Variants in KIAA0930 observed in about 807,000 individuals in gnomAD.
KIAA0930 encodes the protein KIAA0930.
A neutral mutation model predicts 43.9 loss-of-function variants in KIAA0930; 24 were observed. The ratio of observed to expected loss-of-function variants is 0.55; its 90% CI spans 0.40 to 0.77. KIAA0930 has a LOEUF of 0.77. Ranked by LOEUF, KIAA0930 falls within the 30% of genes least tolerant of loss-of-function variation. The pLI is 0.00. For missense variants in KIAA0930, 461 were observed against 574.2 expected (o/e 0.80, Z 2.02); for synonymous variants, 259 against 216.4 (o/e 1.20, Z -1.73).
chr22:45,223,521 C>A (rs970970815), intron 1 of KIAA0930, among the ~76,000 whole-genome samples: 2 of 152,108 alleles, frequency 1.3e-5, no homozygotes, highest in Non-Finnish European at 2.9e-5. Flanking sequence ...GAAAGTTAGT[C>A]CATCCACGTG....
At chr22:45,203,361 C>A (rs528538167) in intron 6 of KIAA0930, among the ~76,000 whole-genome samples, 177 bp from the exon 7 acceptor site, 152 of 151,996 alleles carry the variant, frequency 1.0e-3, no homozygotes, top group African/African-American at 3.5e-3. Context: ...TGCCTGGTGC[C>A]CCTCCTGGTG....
intron 1 of KIAA0930, chr22:45,212,325 C>T (rs1480106602): frequency 6.2e-7 from 1 of 1,612,498 alleles, no homozygotes; most frequent in Non-Finnish European, 8.5e-7. Flanking sequence ...CTCCACTCAG[C>T]AGCAGCCTGA....
Position 45,194,682 on chromosome 22 carries a change from C to T in KIAA0930, c.*2494G>A, listed in dbSNP as rs1374421981. The T allele has an allele frequency of 2.6e-5, 4 of 152,168 alleles. No individual in the cohort carries two copies. The highest frequency in any genetic ancestry group is 7.2e-5 in the African/African-American group (3 of 41,432). 9.4% of individuals were successfully genotyped at this position (152,168 alleles called of 1,614,324 possible). On this transcript the variant is annotated 3_prime_UTR_variant, in exon 10 of 10. Coordinates refer to ENST00000336156, the MANE Select transcript of KIAA0930 (RefSeq NM_001009880.2). ...GGAAAAACAAACCTGGGAGTAACACCTTACTGTCTGGTTCTCAAGTGGCTA... is the reference window on the plus strand; with the variant it reads ...GGAAAAACAAACCTGGGAGTAACACTTTACTGTCTGGTTCTCAAGTGGCTA...
chr22:45,225,649 G>C (rs1465691896), intron 1 of KIAA0930, among the ~76,000 whole-genome samples: 1 of 152,086 alleles, frequency 6.6e-6, no homozygotes, highest in Non-Finnish European at 1.5e-5. Flanking sequence ...ATTCCAACTT[G>C]GCCTGTGCAG....
rs1201896232 is a variant in KIAA0930 at position 45,195,666 on chromosome 22, A to T, written c.*1510T>A. 7.6e-6 allele frequency: 1 copy of T among 131,976 alleles called. No homozygotes were observed. Among genetic ancestry groups the T allele is most frequent in the African/African-American group, 3.1e-5 (1 of 32,202 alleles). The allele number at this position is 131,976 out of a possible 1,614,324, so 8.2% of individuals were successfully genotyped here. ...ACGGTCTCAGATTAGGTTATTACAA[A>T]GGGCGAGGGGGAGGAGGGCATCCCA... On this transcript the variant is annotated 3_prime_UTR_variant, in exon 10 of 10. Coordinates refer to ENST00000336156, the MANE Select transcript of KIAA0930 (RefSeq NM_001009880.2).
At chr22:45,203,385 C>T in intron 6 of KIAA0930, among the ~76,000 whole-genome samples, 1 of 152,188 alleles carries the variant, frequency 6.6e-6, no homozygotes, top group South Asian at 2.1e-4. Flanking sequence ...CTCCCACCGC[C>T]CCATGAACCA....
At chr22:45,230,184 A>C (rs956017784) in intron 1 of KIAA0930, among the ~76,000 whole-genome samples, 4 of 152,120 alleles carry the variant, frequency 2.6e-5, no homozygotes, top group Non-Finnish European at 4.4e-5. Context: ...GGGGCAAGGG[A>C]GGGCTGACTC....
intron 1 of KIAA0930, among the ~76,000 whole-genome samples, chr22:45,225,111 C>A (rs1033474617): frequency 5.3e-5 from 8 of 152,112 alleles, no homozygotes; most frequent in Non-Finnish European, 1.0e-4. Context: ...AGAGTCCAGG[C>A]GGCCCTTGGC....
At chr22:45,212,420 G>A in intron 1 of KIAA0930, 6 of 1,533,734 alleles carry the variant, frequency 3.9e-6, no homozygotes, top group Non-Finnish European at 4.4e-6. Flanking sequence ...AAAATCCCGA[G>A]GAGCCAGGAA....
At position 45,194,052 on chromosome 22, in the gene KIAA0930, C is replaced by CTTTTTTTTTTTT. The variant is rs71190644; in HGVS notation, c.*3112_*3123dup. 2.9e-4 allele frequency: 13 copies of CTTTTTTTTTTTT among 44,346 alleles called. 3 individuals carry two copies. Among genetic ancestry groups the CTTTTTTTTTTTT allele is most frequent in the Admixed American group, 1.5e-3 (4 of 2,686 alleles). 2.7% of individuals were successfully genotyped at this position (44,346 alleles called of 1,614,324 possible). On this transcript the variant is annotated 3_prime_UTR_variant, in exon 10 of 10. Transcript: ENST00000336156. ...GGTTTGGGTTTAAAGACCAATGTAT[C>CTTTTTTTTTTTT]TTTTTTTTTTTTTTTTTTTTTTTTT...
At chr22:45,208,160 C>T (rs2083655674) in intron 2 of KIAA0930, among the ~76,000 whole-genome samples, 1 of 152,146 alleles carries the variant, frequency 6.6e-6, no homozygotes, top group Non-Finnish European at 1.5e-5. Flanking sequence ...GGCCAGGCCG[C>T]CATGGTACAC....
At chr22:45,230,188 C>G (rs1353026200) in intron 1 of KIAA0930, among the ~76,000 whole-genome samples, 3 of 152,190 alleles carry the variant, frequency 2.0e-5, no homozygotes, top group African/African-American at 7.2e-5. Flanking sequence ...CAAGGGAGGG[C>G]TGACTCTTGG....
At chr22:45,238,297 GATA>G (rs1246798195) in intron 1 of KIAA0930, among the ~76,000 whole-genome samples, 1 of 152,170 alleles carries the variant, frequency 6.6e-6, no homozygotes, top group Non-Finnish European at 1.5e-5. Flanking sequence ...TGCCAGTCCA[GATA>G]ATAATTTTCT....
At chr22:45,235,151 G>A (rs1415927132) in intron 1 of KIAA0930, 1 of 152,304 alleles carries the variant, frequency 6.6e-6, no homozygotes, top group Non-Finnish European at 1.5e-5. Flanking sequence ...ACAGTGAGGG[G>A]ACGGCTCATG....
intron 2 of KIAA0930, among the ~76,000 whole-genome samples, chr22:45,206,478 G>A (rs1456094242): frequency 1.3e-5 from 2 of 152,234 alleles, no homozygotes; most frequent in Non-Finnish European, 2.9e-5. Flanking sequence ...TATTTGCTAA[G>A]TGGCATCAAT....
At chr22:45,235,896 T>A (rs1425488766) in intron 1 of KIAA0930, among the ~76,000 whole-genome samples, 4 of 152,172 alleles carry the variant, frequency 2.6e-5, no homozygotes, top group Non-Finnish European at 4.4e-5. Flanking sequence ...CCGGCCCCCA[T>A]CACTTATGCC....
At position 45,235,877 on chromosome 22, in the gene KIAA0930, A is replaced by AC. The variant is rs1350515013; in HGVS notation, c.64+4762_64+4763insG. ...TTCCTTTCCAGCGGCACCTCCCACTAAAGGCCCCCCGGCCCCCATCACTTA... is the reference window on the plus strand; with the variant it reads ...TTCCTTTCCAGCGGCACCTCCCACTACAAGGCCCCCCGGCCCCCATCACTTA... On this transcript the variant is annotated intron_variant, in intron 1 of 9. Transcript: ENST00000336156. 5.3e-5 allele frequency among the ~76,000 whole-genome samples: 8 copies of AC among 152,260 alleles called. No homozygotes were observed. The South Asian group carries it at 1.0e-3, about 20-fold the overall frequency.
At chr22:45,217,176 C>T (rs576360469) in intron 1 of KIAA0930, among the ~76,000 whole-genome samples, 1 of 152,140 alleles carries the variant, frequency 6.6e-6, no homozygotes, top group Admixed American at 6.5e-5. Context: ...GCCTAGCCAA[C>T]ATCGCAAAAC....
intron 7 of KIAA0930, among the ~76,000 whole-genome samples, chr22:45,202,188 C>T (rs367845595): frequency 5.3e-5 from 8 of 152,258 alleles, no homozygotes; most frequent in East Asian, 3.8e-4. Flanking sequence ...GCCCAGCACA[C>T]CTGTACTCTT....
Sources: gnomAD v4.1 joint callset for allele counts (sites outside exome capture counted in the v4.1 genomes callset) on GRCh38, gnomAD v4.1.1 for gene constraint, MANE v1.5 for transcripts, NCBI Gene and HGNC (gene_info 2026-07-23, HGNC 2026-07-21) for gene names.